NSUN6: variants seen among roughly 807,000 people sequenced by gnomAD.
The protein encoded by NSUN6 is tRNA (cytosine(72)-C(5))-methyltransferase NSUN6.
NSUN6 carries 64 observed loss-of-function variants against 58.0 expected under a neutral mutation model. The ratio of observed to expected loss-of-function variants is 1.10; its 90% CI spans 0.90 to 1.36. The LOEUF is 1.36. Ranked by LOEUF, NSUN6 falls within the 40% of genes most tolerant of loss-of-function variation. NSUN6 has a pLI of 0.00. For missense variants in NSUN6, 701 were observed against 550.1 expected (o/e 1.27, Z -2.74); for synonymous variants, 231 against 193.9 (o/e 1.19, Z -1.59).
intron 3 of NSUN6, among the ~76,000 whole-genome samples, chr10:18,630,190 T>C (rs1210224794): frequency 6.9e-6 from 1 of 145,192 alleles, no homozygotes; most frequent in African/African-American, 2.6e-5. Context: ...GAAATAAAGA[T>C]GTTCTTTGAA....
At chr10:18,630,501 C>T (rs929546114) in intron 3 of NSUN6, among the ~76,000 whole-genome samples, 4 of 152,064 alleles carry the variant, frequency 2.6e-5, no homozygotes, top group African/African-American at 4.8e-5. Flanking sequence ...AATTGATAGA[C>T]CGCTAGCAAG....
chr10:18,630,976 T>G (rs990872961), intron 3 of NSUN6, among the ~76,000 whole-genome samples: 3 of 151,692 alleles, frequency 2.0e-5, no homozygotes, highest in Admixed American at 6.6e-5. Flanking sequence ...ACCAATATCC[T>G]TGATGAACAT....
At chr10:18,643,326 G>GTAT (rs2059443867) in intron 2 of NSUN6, among the ~76,000 whole-genome samples, 1 of 151,594 alleles carries the variant, frequency 6.6e-6, no homozygotes, top group Non-Finnish European at 1.5e-5. Context: ...GACAGGGACC[G>GTAT]TATACTCTAT....
At chr10:18,547,511 A>G (rs2054350380) in intron 10 of NSUN6, among the ~76,000 whole-genome samples, 1 of 152,230 alleles carries the variant, frequency 6.6e-6, no homozygotes, top group Admixed American at 6.5e-5. Context: ...GTATGCGAGC[A>G]TTATTACAGA....
At chr10:18,566,542 ATCCATTCCATTC>A (rs548543879) in intron 8 of NSUN6, among the ~76,000 whole-genome samples, 7,277 of 130,846 alleles carry the variant, frequency 0.056, 276 homozygotes, top group Non-Finnish European at 0.084. Flanking sequence ...TTCCTGTCCA[ATCCATTCCATTC>A]TCCATTCCAT....
intron 8 of NSUN6, among the ~76,000 whole-genome samples, chr10:18,566,647 T>C (rs538738079): frequency 6.6e-6 from 1 of 151,614 alleles, no homozygotes; most frequent in South Asian, 2.1e-4. Context: ...CCATTTCCCA[T>C]TCCATTCTAT....
chr10:18,620,430 T>G (rs1232875226), intron 3 of NSUN6, among the ~76,000 whole-genome samples: 1 of 152,164 alleles, frequency 6.6e-6, no homozygotes, highest in East Asian at 1.9e-4. Flanking sequence ...AAAAAATTCC[T>G]TGGTACAAAA....
chr10:18,598,835 C>A (rs1052171212), intron 6 of NSUN6, among the ~76,000 whole-genome samples: 2 of 152,068 alleles, frequency 1.3e-5, no homozygotes, highest in Admixed American at 1.3e-4. Flanking sequence ...ACGTTTAAAG[C>A]GGCTAAAGAT....
At chr10:18,632,843 T>C (rs1260203547) in intron 3 of NSUN6, among the ~76,000 whole-genome samples, 1 of 152,208 alleles carries the variant, frequency 6.6e-6, no homozygotes, top group Admixed American at 6.5e-5. Context: ...TGGAAGTCAG[T>C]GCAGTGATTC....
At chr10:18,574,820 C>T (rs1589919857) in intron 8 of NSUN6, among the ~76,000 whole-genome samples, 2 of 152,204 alleles carry the variant, frequency 1.3e-5, no homozygotes, top group African/African-American at 2.4e-5. Context: ...GCTAATCACC[C>T]GAGTACTGAA....
intron 3 of NSUN6, among the ~76,000 whole-genome samples, chr10:18,635,651 A>T (rs1469454688): frequency 6.6e-6 from 1 of 151,956 alleles, no homozygotes; most frequent in Admixed American, 6.6e-5. Context: ...CAGCCTGGCC[A>T]ACATGGTAAA....
At chr10:18,579,180 A>C (rs2056795159) in intron 8 of NSUN6, among the ~76,000 whole-genome samples, 1 of 149,540 alleles carries the variant, frequency 6.7e-6, no homozygotes, top group Admixed American at 6.7e-5. Flanking sequence ...TTTTATTACT[A>C]TTTTTTTTTT....
chr10:18,592,698 C>T (rs541445092), intron 7 of NSUN6, among the ~76,000 whole-genome samples: 1 of 152,246 alleles, frequency 6.6e-6, no homozygotes, highest in African/African-American at 2.4e-5. Context: ...CTTCCTTACA[C>T]AAATATTAAC....
In NSUN6 at chr10:18,548,352, T is replaced by C. The variant is rs1014723995; in HGVS notation, c.1072-115A>G. ...ATGTTTGGGATAAATAAAATGATGT[T>C]CTATGTGACAAGGATTCCTTCTGTA... is the stretch of plus-strand genomic sequence containing the variant. On this transcript the variant is annotated intron_variant, in intron 9 of 10. Transcript: ENST00000377304. The C allele has an allele frequency of 2.0e-5, 18 of 921,638 alleles. No homozygotes were observed. The East Asian group carries it at 4.4e-4, about 22-fold the overall frequency. 57.1% of individuals were successfully genotyped at this position (921,638 alleles called of 1,614,324 possible).
intron 9 of NSUN6, among the ~76,000 whole-genome samples, chr10:18,551,480 G>GTATCT (rs1341937794): frequency 6.6e-6 from 1 of 152,056 alleles, no homozygotes; most frequent in Non-Finnish European, 1.5e-5. Context: ...ATGCCTGGTA[G>GTATCT]TATCTATTCT....
At chr10:18,605,669 C>A (rs990389879) in intron 6 of NSUN6, among the ~76,000 whole-genome samples, 1 of 152,204 alleles carries the variant, frequency 6.6e-6, no homozygotes, top group African/African-American at 2.4e-5. Context: ...GTAAGAGACA[C>A]ATGGCTGTGG....
chr10:18,637,603 C>A (rs143866433), intron 3 of NSUN6, among the ~76,000 whole-genome samples: 1 of 152,146 alleles, frequency 6.6e-6, no homozygotes, highest in Non-Finnish European at 1.5e-5. Flanking sequence ...TAAGCACAGA[C>A]CTTTGAACTG....
intron 8 of NSUN6, among the ~76,000 whole-genome samples, chr10:18,577,175 T>C (rs4748492): frequency 0.35 from 52,914 of 151,902 alleles, 9,807 homozygotes; most frequent in East Asian, 0.74. Flanking sequence ...CTTGGGAAAA[T>C]AGGACAGCCT....
chr10:18,630,825 C>A (rs2059004480), intron 3 of NSUN6, among the ~76,000 whole-genome samples: 1 of 152,236 alleles, frequency 6.6e-6, no homozygotes, highest in East Asian at 1.9e-4. Flanking sequence ...ACCAGAGGTA[C>A]AAGGAGGAAC....
Sources: gnomAD v4.1 joint callset for allele counts (sites outside exome capture counted in the v4.1 genomes callset) on GRCh38, gnomAD v4.1.1 for gene constraint, MANE v1.5 for transcripts, NCBI Gene and HGNC (gene_info 2026-07-23, HGNC 2026-07-21) for gene names.